Variants in PATJ observed in about 807,000 individuals in gnomAD.
The protein encoded by PATJ is inaD-like protein.
A neutral mutation model predicts 224.9 loss-of-function variants in PATJ; 190 were observed. That is an observed-to-expected ratio of 0.84 (90% CI 0.75 to 0.95). The LOEUF is 0.95. Among genes scored for constraint, PATJ ranks in the 40% least tolerant of loss-of-function variants. The probability of loss-of-function intolerance (pLI) is 0.00; values close to 1 mark genes in which losing one functional copy is unlikely to be tolerated. For synonymous variants in PATJ, 769 were observed against 820.3 expected, an observed-to-expected ratio of 0.94 and a Z score of 1.07; for missense variants, 2,121 against 2,270.3, an observed-to-expected ratio of 0.93 and a Z score of 1.34.
chr1:61,749,822 G>A (rs1366010365), intron 1 of PATJ, among the ~76,000 whole-genome samples: 2 of 152,054 alleles, frequency 1.3e-5, no homozygotes, highest in Admixed American at 6.6e-5. Context: ...GGGAGTACAG[G>A]TGTGTGCCAC....
At chr1:61,994,243 G>A (rs1297940276) in intron 28 of PATJ, among the ~76,000 whole-genome samples, 1 of 151,144 alleles carries the variant, frequency 6.6e-6, no homozygotes, top group Non-Finnish European at 1.5e-5. Flanking sequence ...ATTCTCTGCT[G>A]GTGAACAAAA....
intron 27 of PATJ, among the ~76,000 whole-genome samples, chr1:61,964,041 T>C (rs1308848667): frequency 6.6e-6 from 1 of 152,162 alleles, no homozygotes; most frequent in East Asian, 1.9e-4. Flanking sequence ...TCACACTAAG[T>C]TGTATTAAAA....
At chr1:62,042,866 T>C (rs778125179) in intron 30 of PATJ, among the ~76,000 whole-genome samples, 6 of 152,114 alleles carry the variant, frequency 3.9e-5, no homozygotes, top group Non-Finnish European at 7.4e-5. Flanking sequence ...AGGCTGGTCT[T>C]GAACTCCTGA....
chr1:62,121,854 G>A (rs1381805667), intron 38 of PATJ, among the ~76,000 whole-genome samples: 2 of 151,990 alleles, frequency 1.3e-5, no homozygotes, highest in African/African-American at 4.8e-5. Context: ...GGAGTGCATG[G>A]TAAAATAAAA....
In PATJ at chr1:62,133,804, T is replaced by C. The variant is rs1666517879; in HGVS notation, c.5271+4859T>C. 2.0e-5 allele frequency among the ~76,000 whole-genome samples: 3 copies of C among 147,386 alleles called. No individual in the cohort carries two copies. The South Asian group carries it at 6.5e-4, about 32-fold the overall frequency. Reference sequence around the variant, plus strand: ...CTCTGAAGCCCAGGCTGGAGTGCAGTGGCACAATCTCGGCTCCACTGAGCC... The same window carrying C: ...CTCTGAAGCCCAGGCTGGAGTGCAGCGGCACAATCTCGGCTCCACTGAGCC... On this transcript the variant is annotated intron_variant, in intron 41 of 43. Transcript: ENST00000642238.
chr1:61,999,172 G>A (rs778001570), intron 28 of PATJ, among the ~76,000 whole-genome samples: 2 of 152,054 alleles, frequency 1.3e-5, no homozygotes, highest in Non-Finnish European at 2.9e-5. Flanking sequence ...TGCCTCTCTC[G>A]ACTCTTCTTT....
In PATJ at chr1:62,161,172, C is replaced by G; in HGVS notation, c.*118C>G. 2 of 755,888 alleles carry G rather than the reference C, an allele frequency of 2.6e-6. No homozygotes were observed. Among genetic ancestry groups the G allele is most frequent in the African/African-American group, 1.8e-5 (1 of 56,710 alleles). 46.8% of individuals were successfully genotyped at this position (755,888 alleles called of 1,614,324 possible). A position where few individuals can be genotyped will look rare whatever the true frequency, so the allele number is the denominator to read the frequency against. On this transcript the variant is annotated 3_prime_UTR_variant, in exon 44 of 44. Coordinates refer to ENST00000642238, the MANE Select transcript of PATJ (RefSeq NM_001350145.3). Reference sequence around the variant, plus strand: ...AATGCACCTTCATTCTTATTTCTTGCCCTCTCTGCTCAGGAGAAATGGCTG... The same window carrying G: ...AATGCACCTTCATTCTTATTTCTTGGCCTCTCTGCTCAGGAGAAATGGCTG...
intron 33 of PATJ, among the ~76,000 whole-genome samples, chr1:62,106,158 GTATATA>G (rs61653676): frequency 0.033 from 1,569 of 48,052 alleles, 209 homozygotes; most frequent in Non-Finnish European, 0.047. Context: ...GTGTGTGTGT[GTATATA>G]TATATATATA....
intron 41 of PATJ, among the ~76,000 whole-genome samples, chr1:62,131,435 A>G (rs1442431949): frequency 6.6e-6 from 1 of 152,160 alleles, no homozygotes; most frequent in Non-Finnish European, 1.5e-5. Context: ...TATTATTGAT[A>G]TTTTCACACA....
At position 62,123,075 on chromosome 1, in the gene PATJ, G is replaced by T. The variant is rs182536641; in HGVS notation, c.5043+17G>T. 12 of 1,579,006 alleles carry T rather than the reference G, an allele frequency of 7.6e-6. No individual in the cohort carries two copies. In the African/African-American group the frequency reaches 1.5e-4, roughly 20 times the overall value. On this transcript the variant is annotated intron_variant, in intron 39 of 43. Transcript: ENST00000642238. ...ATAAACAGGGTAAGTCAGTCATTTT[G>T]CTGTATGTATTTTTCTGGTTTGTGT...
intron 41 of PATJ, among the ~76,000 whole-genome samples, chr1:62,142,759 G>A (rs533334381): frequency 6.6e-6 from 1 of 152,268 alleles, no homozygotes; most frequent in South Asian, 2.1e-4. Flanking sequence ...TGCCAGGCAC[G>A]CTGGTTTGGG....
chr1:61,766,335 G>C lies in PATJ; in HGVS notation c.246G>C (p.Leu82Phe), dbSNP rs763044306. Residue 82 changes from leucine to phenylalanine, a missense_variant, in exon 4 of 44, where the codon TTG becomes TTC. By Grantham distance (22) the Leu-to-Phe change is conservative. Transcript: ENST00000642238. ...ACTTTGATTTTTCTAGGAAAGGTTTGTTAGTGTTCACAGATGGTTCCATCA... is the reference window on the plus strand; with the variant it reads ...ACTTTGATTTTTCTAGGAAAGGTTTCTTAGTGTTCACAGATGGTTCCATCA... The part of the protein sequence containing the change: ...SANFDFSRKG[L>F]LVFTDGSITN... 4 of 1,611,528 alleles carry C rather than the reference G, an allele frequency of 2.5e-6. No homozygotes were observed. The highest frequency in any genetic ancestry group is 3.4e-6 in the Non-Finnish European group (4 of 1,178,640).
At chr1:62,050,521 C>T (rs1424595269) in intron 30 of PATJ, among the ~76,000 whole-genome samples, 1 of 152,226 alleles carries the variant, frequency 6.6e-6, no homozygotes, top group Non-Finnish European at 1.5e-5. Flanking sequence ...GAAACTTGGG[C>T]TCATGCTCTC....
chr1:61,930,222 A>C (rs182572216), intron 27 of PATJ, among the ~76,000 whole-genome samples: 4 of 152,226 alleles, frequency 2.6e-5, no homozygotes, highest in Admixed American at 2.6e-4. Flanking sequence ...CCTCCAGAAG[A>C]ATTTGAACTG....
At chr1:62,066,782 G>A (rs566969752) in intron 31 of PATJ, among the ~76,000 whole-genome samples, 1 of 152,244 alleles carries the variant, frequency 6.6e-6, no homozygotes, top group South Asian at 2.1e-4. Flanking sequence ...CAGACTTTGG[G>A]GTTTTTATGG....
At chr1:62,011,403 C>A (rs12567320) in intron 28 of PATJ, among the ~76,000 whole-genome samples, 44,912 of 151,892 alleles carry the variant, frequency 0.3, 7,267 homozygotes, top group East Asian at 0.47. Flanking sequence ...GTCTTGGAAT[C>A]GGAAGGCCTC....
rs34767684 is a variant in PATJ at position 62,106,063 on chromosome 1, A to AAATATAT, written c.4378-2373_4378-2372insATATATA. 1.8e-4 allele frequency among the ~76,000 whole-genome samples: 7 copies of AAATATAT among 39,638 alleles called. 2 individuals are homozygous for AAATATAT. The highest frequency in any genetic ancestry group is 4.1e-4 in the Admixed American group (1 of 2,424). The allele number at this position is 39,638 out of a possible 152,430, so 26.0% of individuals were successfully genotyped here. ...CTCCTCTTAAAAAAAAAAAAAAAAA[A>AAATATAT]ATATATATATATATATACACACACA... On this transcript the variant is annotated intron_variant, in intron 33 of 43. Transcript: ENST00000642238.
chr1:62,136,649 G>A lies in PATJ; in HGVS notation c.5271+7704G>A, dbSNP rs562989336. Reference sequence around the variant, plus strand: ...AGTGCTGAGGATTTTTATGTTTTGCGTGTGTGTGTGTGTGTCTGTGTGTGT... The same window carrying A: ...AGTGCTGAGGATTTTTATGTTTTGCATGTGTGTGTGTGTGTCTGTGTGTGT... On this transcript the variant is annotated intron_variant, in intron 41 of 43. Coordinates refer to ENST00000642238, the MANE Select transcript of PATJ (RefSeq NM_001350145.3). Among the ~76,000 whole-genome samples, 39 of 47,104 alleles carry A rather than the reference G, an allele frequency of 8.3e-4. No individual in the cohort carries two copies. In the South Asian group the frequency reaches 0.017, roughly 21 times the overall value. The allele number at this position is 47,104 out of a possible 152,430, so 30.9% of individuals were successfully genotyped here. A position where few individuals can be genotyped will look rare whatever the true frequency, so the allele number is the denominator to read the frequency against.
intron 15 of PATJ, among the ~76,000 whole-genome samples, chr1:61,823,770 A>G (rs1043090834): frequency 2.0e-5 from 3 of 152,152 alleles, no homozygotes; most frequent in Non-Finnish European, 4.4e-5. Context: ...GTTTGCTCAT[A>G]GTGAAATGAC....
Sources: allele counts gnomAD v4.1 joint callset (sites outside exome capture counted in the v4.1 genomes callset), GRCh38; gene constraint gnomAD v4.1.1; transcripts MANE v1.5; gene names NCBI Gene and HGNC (gene_info 2026-07-23, HGNC 2026-07-21).